STX1B: variants seen among roughly 807,000 people sequenced by gnomAD.
STX1B encodes syntaxin 1B.
A neutral mutation model predicts 39.4 loss-of-function variants in STX1B; 7 were observed. That is an observed-to-expected ratio of 0.18 (90% CI 0.10 to 0.33). STX1B has a LOEUF of 0.33. Among genes scored for constraint, STX1B ranks in the 10% least tolerant of loss-of-function variants. STX1B has a pLI of 1.00. For missense variants in STX1B, 198 were observed against 383.2 expected (o/e 0.52, Z 4.04); for synonymous variants, 136 against 144.1 (o/e 0.94, Z 0.40).
intron 1 of STX1B, among the ~76,000 whole-genome samples, chr16:31,009,875 C>T (rs1482335322): frequency 3.3e-5 from 5 of 152,044 alleles, no homozygotes; most frequent in African/African-American, 9.7e-5. Flanking sequence ...GTGACACACG[C>T]GTGTGCACAC....
chr16:30,999,058 C>G (rs749183849), intron 4 of STX1B, among the ~76,000 whole-genome samples: 1 of 152,170 alleles, frequency 6.6e-6, no homozygotes, highest in Non-Finnish European at 1.5e-5. Context: ...CTCCACCCCC[C>G]ACCCCCAAAA....
chr16:31,001,579 C>T lies in STX1B; in HGVS notation c.55G>A (p.Glu19Lys). The change falls in exon 2 of 10, where the codon GAG (glutamate) becomes AAG (lysine). Residue 19 changes from glutamate (E) to lysine (K), a missense_variant. Transcript: ENST00000215095. This position sits in a 1 kb window ranked among gnomAD's most constrained non-coding sequence, Gnocchi z 5.5. ...TGGTCCCGATCCACGTGGACCACCT[C>T]CTCTTCATCATCACTGTCTTTCGCC... is the stretch of plus-strand genomic sequence containing the variant. ...RSAKDSDDEE[E>K]VVHVDRDHFM... is the part of the protein sequence containing the mutation. The T allele has an allele frequency of 1.2e-6, 2 of 1,613,528 alleles. No homozygotes were observed. The highest frequency in any genetic ancestry group is 1.7e-6 in the Non-Finnish European group (2 of 1,179,896).
intron 1 of STX1B, among the ~76,000 whole-genome samples, chr16:31,003,149 A>C (rs1411183921): frequency 6.6e-6 from 1 of 152,132 alleles, no homozygotes; most frequent in African/African-American, 2.4e-5. Flanking sequence ...GAGCCACCCC[A>C]GCCTCCCTGC....
In STX1B at chr16:30,996,961, T is replaced by C; in HGVS notation, c.453A>G (p.Gln151=). The change falls in exon 6 of 10, where the codon CAA becomes CAG. Residue 151 remains glutamine, a synonymous_variant. Transcript: ENST00000215095. ...RDRCKDRIQR[Q]LEITGRTTTN... is the part of the protein sequence containing the mutation. The stretch of plus-strand genomic sequence containing the variant: ...GGGGGGCACACGCACTGATCTCCAG[T>C]TGCCGCTGGATCCGGTCCTTGCAGC... 2 of 1,613,246 alleles carry C rather than the reference T, an allele frequency of 1.2e-6. No individual in the cohort carries two copies. The highest frequency in any genetic ancestry group is 1.3e-5 in the African/African-American group (1 of 74,934).
At chr16:30,997,763 C>T (rs1315695187) in intron 4 of STX1B, among the ~76,000 whole-genome samples, 188 bp from the exon 5 acceptor site, 2 of 152,158 alleles carry the variant, frequency 1.3e-5, no homozygotes, top group African/African-American at 2.4e-5. Context: ...GACGAACAGA[C>T]GTTTGAGGGG....
chr16:30,996,825 C>T, intron 6 of STX1B, 69 bp from the exon 7 acceptor site: 4 of 1,576,652 alleles, frequency 2.5e-6, no homozygotes, highest in Non-Finnish European at 3.5e-6. Flanking sequence ...GGTGATGGGG[C>T]GGGGACCTGG....
intron 9 of STX1B, 27 bp downstream of exon 9, chr16:30,993,103 T>C: frequency 6.2e-7 from 1 of 1,606,386 alleles, no homozygotes; most frequent in South Asian, 1.1e-5. Context: ...CTCCCCCGCC[T>C]ACCCCCAGGC....
intron 1 of STX1B, among the ~76,000 whole-genome samples, chr16:31,002,509 A>G (rs1434748634): frequency 1.3e-5 from 2 of 152,162 alleles, no homozygotes; most frequent in Non-Finnish European, 2.9e-5. Flanking sequence ...AGCCGCACTG[A>G]CATGTGTGGA....
intron 1 of STX1B, among the ~76,000 whole-genome samples, chr16:31,005,100 C>T (rs894373722): frequency 6.6e-6 from 1 of 152,214 alleles, no homozygotes; most frequent in Non-Finnish European, 1.5e-5. Flanking sequence ...CTGTGTGACC[C>T]CAGGCAAACT....
At chr16:30,998,046 G>A (rs2080953402) in intron 4 of STX1B, among the ~76,000 whole-genome samples, 1 of 152,186 alleles carries the variant, frequency 6.6e-6, no homozygotes, top group Non-Finnish European at 1.5e-5. Flanking sequence ...GGTTCTAGTG[G>A]CCCCTCTTTC....
chr16:31,005,751 C>A (rs1485744285), intron 1 of STX1B, among the ~76,000 whole-genome samples: 3 of 152,186 alleles, frequency 2.0e-5, no homozygotes, highest in African/African-American at 7.2e-5. Context: ...CTCAGGCACT[C>A]TGCTCTACAG....
In STX1B at chr16:30,992,772, T is replaced by C. The variant is rs764618317; in HGVS notation, c.*49A>G. 2.1e-5 allele frequency: 21 copies of C among 980,652 alleles called. No homozygotes were observed. Among genetic ancestry groups the C allele is most frequent in the Non-Finnish European group, 2.6e-5 (18 of 700,514 alleles). 60.7% of individuals were successfully genotyped at this position (980,652 alleles called of 1,614,324 possible). A position where few individuals can be genotyped will look rare whatever the true frequency, so the allele number is the denominator to read the frequency against. ...GTGAAAGGGGTGGTGGGGGTATTGC[T>C]CCCGATGTGGTGGGGGAAGGGTCTG... On this transcript the variant is annotated 3_prime_UTR_variant, in exon 10 of 10. Coordinates refer to ENST00000215095, the MANE Select transcript of STX1B (RefSeq NM_052874.5).
At chr16:30,999,180 G>T (rs938239007) in intron 4 of STX1B, among the ~76,000 whole-genome samples, 8 of 152,182 alleles carry the variant, frequency 5.3e-5, no homozygotes, top group African/African-American at 1.9e-4. Context: ...TGTCTGCCTG[G>T]ATTTGCACTT....
At chr16:31,003,272 C>A (rs115081720) in intron 1 of STX1B, among the ~76,000 whole-genome samples, 1 of 152,210 alleles carries the variant, frequency 6.6e-6, no homozygotes, top group Non-Finnish European at 1.5e-5. Flanking sequence ...CCCAACCATC[C>A]GCCTGGAAAG....
intron 1 of STX1B, among the ~76,000 whole-genome samples, chr16:31,003,372 G>A (rs1223909076): frequency 6.6e-6 from 1 of 152,184 alleles, no homozygotes; most frequent in Non-Finnish European, 1.5e-5. Flanking sequence ...GCTCTGGGAT[G>A]CTGGGCTCAC....
intron 1 of STX1B, among the ~76,000 whole-genome samples, chr16:31,002,413 C>T (rs2056634607): frequency 6.6e-6 from 1 of 152,130 alleles, no homozygotes; most frequent in South Asian, 2.1e-4. Context: ...AGAGCTGACA[C>T]CCAAGGCACA....
chr16:30,998,497 T>A (rs545517515), intron 4 of STX1B, among the ~76,000 whole-genome samples: 1 of 152,348 alleles, frequency 6.6e-6, no homozygotes, highest in East Asian at 1.9e-4. Flanking sequence ...ACTGTCAGCC[T>A]TGGGGCTGGG....
intron 1 of STX1B, among the ~76,000 whole-genome samples, chr16:31,005,470 CTTTTTTTTTT>C (rs35407745): frequency 2.6e-5 from 3 of 113,730 alleles, no homozygotes; most frequent in Non-Finnish European, 5.0e-5. Context: ...TTTCTTTTTC[CTTTTTTTTTT>C]TTTTTTTTTG....
At chr16:31,008,429 C>G (rs1166356918) in intron 1 of STX1B, among the ~76,000 whole-genome samples, 1 of 151,864 alleles carries the variant, frequency 6.6e-6, no homozygotes, top group Non-Finnish European at 1.5e-5. Context: ...CCCCGCTTAG[C>G]CTTTTCCCTC....
Sources: allele counts gnomAD v4.1 joint callset (sites outside exome capture counted in the v4.1 genomes callset), GRCh38; gene constraint gnomAD v4.1.1; non-coding constraint Gnocchi (gnomAD v3.1); transcripts MANE v1.5; gene names NCBI Gene and HGNC (gene_info 2026-07-23, HGNC 2026-07-21).